The following CTDSPL2 variants were observed in gnomAD, a reference collection of about 807,000 sequenced individuals.
CTDSPL2 encodes the protein CTD small phosphatase like 2, also known as CTD small phosphatase-like protein 2.
In CTDSPL2, 5 loss-of-function variants were observed where a neutral mutation model predicts 60.0. The observed-to-expected ratio is 0.08, with a 90% CI of 0.04 to 0.18. The LOEUF (loss-of-function observed/expected upper bound fraction) is 0.18. CTDSPL2 is among the 10% of genes least tolerant of loss of function. The probability of loss-of-function intolerance (pLI) is 1.00; values close to 1 mark genes in which losing one functional copy is unlikely to be tolerated. For synonymous variants in CTDSPL2, 186 were observed against 189.3 expected, an observed-to-expected ratio of 0.98 and a Z score of 0.14; for missense variants, 370 against 548.8, an observed-to-expected ratio of 0.67 and a Z score of 3.26.
chr15:44,518,451 A>G (rs1567105971), intron 10 of CTDSPL2, among the ~76,000 whole-genome samples: 1 of 152,188 alleles, frequency 6.6e-6, no homozygotes, highest in Non-Finnish European at 1.5e-5. Context: ...TGATACTTAA[A>G]TCTGAATTCC....
intron 2 of CTDSPL2, among the ~76,000 whole-genome samples, chr15:44,460,788 T>G (rs2080550339): frequency 6.6e-6 from 1 of 152,184 alleles, no homozygotes; most frequent in Non-Finnish European, 1.5e-5. Context: ...TCTGAATTTA[T>G]GTAAACTGAG....
In CTDSPL2 at chr15:44,524,603, G is replaced by A. The variant is rs1024017468; in HGVS notation, c.*429G>A. The A allele has an allele frequency of 1.3e-5, 2 of 156,678 alleles. No homozygotes were observed. Among genetic ancestry groups the A allele is most frequent in the Non-Finnish European group, 2.8e-5 (2 of 70,924 alleles). The allele number at this position is 156,678 out of a possible 1,614,324, so 9.7% of individuals were successfully genotyped here. A position where few individuals can be genotyped will look rare whatever the true frequency, so the allele number is the denominator to read the frequency against. ...TTACTTTATGATTCTCATTTCAACA[G>A]GAATGGCCAGTAAAAGTTGTTTTAT... is the stretch of plus-strand genomic sequence containing the variant. On this transcript the variant is annotated 3_prime_UTR_variant, in exon 13 of 13. Coordinates refer to ENST00000260327, the MANE Select transcript of CTDSPL2 (RefSeq NM_016396.3).
Position 44,484,806 on chromosome 15 carries a change from C to T in CTDSPL2, c.325+444C>T, listed in dbSNP as rs558745891. Among the ~76,000 whole-genome samples, 175 of 152,166 alleles carry T rather than the reference C, an allele frequency of 1.2e-3. 2 individuals carry two copies. The highest frequency in any genetic ancestry group is 6.0e-3 in the South Asian group (29 of 4,812). ...TTTGTAATCTTTGTATTATTAGTAA[C>T]ATGAAGTGAAATAAAAATGTGCTAA... On this transcript the variant is annotated intron_variant, in intron 3 of 12. Coordinates refer to ENST00000260327, the MANE Select transcript of CTDSPL2 (RefSeq NM_016396.3).
At chr15:44,489,490 T>C (rs1595751630) in intron 4 of CTDSPL2, among the ~76,000 whole-genome samples, 1 of 152,110 alleles carries the variant, frequency 6.6e-6, no homozygotes, top group African/African-American at 2.4e-5. Context: ...GTATGAGATA[T>C]ATAATTTGAG....
intron 1 of CTDSPL2, chr15:44,447,440 C>CAGATTTAAAAAAAAAT (rs2080240819): frequency 6.6e-6 from 1 of 152,022 alleles, no homozygotes; most frequent in Non-Finnish European, 1.5e-5. Flanking sequence ...GAACCCCAGT[C>CAGATTTAAAAAAAAAT]CTTAAAAAGT....
intron 2 of CTDSPL2, among the ~76,000 whole-genome samples, chr15:44,469,288 T>A (rs2080758347): frequency 6.6e-6 from 1 of 152,236 alleles, no homozygotes; most frequent in South Asian, 2.1e-4. Flanking sequence ...ATATTATTGT[T>A]CTTTTGATGT....
intron 7 of CTDSPL2, among the ~76,000 whole-genome samples, chr15:44,499,378 C>G (rs1406290507): frequency 9.9e-5 from 15 of 152,098 alleles, no homozygotes; most frequent in Non-Finnish European, 2.2e-4. Flanking sequence ...GCACTCCAGC[C>G]TGAGAGCGAG....
chr15:44,435,631 G>A (rs938615220), intron 1 of CTDSPL2, among the ~76,000 whole-genome samples: 1 of 149,092 alleles, frequency 6.7e-6, no homozygotes, highest in Non-Finnish European at 1.5e-5. Flanking sequence ...TTTTGAGGCG[G>A]AGTCTCGCTC....
At chr15:44,449,940 G>A (rs969159250) in intron 1 of CTDSPL2, among the ~76,000 whole-genome samples, 23 of 151,220 alleles carry the variant, frequency 1.5e-4, no homozygotes, top group African/African-American at 5.6e-4. Flanking sequence ...GCAGTGAGCT[G>A]AGATTACGTT....
At chr15:44,467,543 C>T (rs552926669) in intron 2 of CTDSPL2, among the ~76,000 whole-genome samples, 6 of 151,996 alleles carry the variant, frequency 3.9e-5, no homozygotes, top group South Asian at 2.1e-4. Flanking sequence ...TTTTTGGCTT[C>T]AGATTTCTCT....
intron 1 of CTDSPL2, among the ~76,000 whole-genome samples, chr15:44,450,312 A>T (rs2080308577): frequency 6.6e-6 from 1 of 152,114 alleles, no homozygotes; most frequent in African/African-American, 2.4e-5. Flanking sequence ...GACACTCCTT[A>T]TACACTGCTA....
At chr15:44,445,632 C>CT (rs145662794) in intron 1 of CTDSPL2, among the ~76,000 whole-genome samples, 45 of 148,876 alleles carry the variant, frequency 3.0e-4, no homozygotes, top group African/African-American at 8.4e-4. Flanking sequence ...GAAAACACAG[C>CT]TTTTTTTTTG....
intron 1 of CTDSPL2, among the ~76,000 whole-genome samples, chr15:44,434,090 A>AT (rs1164384823): frequency 1.3e-5 from 2 of 151,650 alleles, no homozygotes; most frequent in African/African-American, 4.8e-5. Context: ...TTATTTATTT[A>AT]TTTATTTTTT....
chr15:44,514,492 C>T, intron 8 of CTDSPL2, 106 bp from the exon 9 acceptor site: 4 of 724,276 alleles, frequency 5.5e-6, no homozygotes, highest in East Asian at 2.6e-5. Context: ...TACTTTAAAA[C>T]ATGAACTTTT....
chr15:44,435,077 T>C (rs540097914), intron 1 of CTDSPL2, among the ~76,000 whole-genome samples: 1 of 151,766 alleles, frequency 6.6e-6, no homozygotes, highest in South Asian at 2.1e-4. Context: ...CTGACCAACA[T>C]GGTGAAACCC....
At chr15:44,521,973 G>C (rs1164068034) in intron 12 of CTDSPL2, among the ~76,000 whole-genome samples, 1 of 137,920 alleles carries the variant, frequency 7.3e-6, no homozygotes, top group East Asian at 2.3e-4. Flanking sequence ...ACATGATGAT[G>C]ATGATGATGA....
chr15:44,481,363 G>A (rs2081023683), intron 2 of CTDSPL2, among the ~76,000 whole-genome samples: 1 of 152,118 alleles, frequency 6.6e-6, no homozygotes, highest in South Asian at 2.1e-4. Flanking sequence ...AATATGTGGT[G>A]CCCCTACAAT....
chr15:44,469,531 C>CAT (rs1233020358), intron 2 of CTDSPL2, among the ~76,000 whole-genome samples: 1 of 150,900 alleles, frequency 6.6e-6, no homozygotes, highest in African/African-American at 2.4e-5. Flanking sequence ...CTTCATTTTT[C>CAT]TTGTGATTTA....
chr15:44,445,758 C>A (rs777956577), intron 1 of CTDSPL2, among the ~76,000 whole-genome samples: 1 of 151,846 alleles, frequency 6.6e-6, no homozygotes, highest in Non-Finnish European at 1.5e-5. Context: ...CTGCCTCAGC[C>A]TCCCGAGTAG....
Sources: allele counts gnomAD v4.1 joint callset (sites outside exome capture counted in the v4.1 genomes callset), GRCh38; gene constraint gnomAD v4.1.1; transcripts MANE v1.5; gene names NCBI Gene and HGNC (gene_info 2026-07-23, HGNC 2026-07-21).